The following MORC1 variants were observed in gnomAD, a reference collection of about 807,000 sequenced individuals.
MORC1 encodes MORC family CW-type zinc finger 1, also known as MORC family CW-type zinc finger protein 1.
Under a neutral mutation model 134.9 loss-of-function variants are expected in MORC1, and 59 were observed. The ratio of observed to expected loss-of-function variants is 0.44; its 90% confidence interval spans 0.35 to 0.54. The LOEUF is 0.54. Ranked by LOEUF, MORC1 falls within the 20% of genes least tolerant of loss-of-function variation. MORC1 has a pLI of 0.00. For synonymous variants in MORC1, 395 were observed against 391.7 expected (o/e 1.01, Z -0.10); for missense variants, 947 against 1,134.5 (o/e 0.83, Z 2.37).
At chr3:109,115,931 A>C in intron 1 of MORC1, among the ~76,000 whole-genome samples, 1 of 151,660 alleles carries the variant, frequency 6.6e-6, no homozygotes, top group East Asian at 1.9e-4. Context: ...TCTTGGTAAA[A>C]GGTATTTAAA....
intron 24 of MORC1, 106 bp from the exon 25 acceptor site, chr3:108,971,508 G>T: frequency 1.1e-6 from 1 of 893,802 alleles, no homozygotes; most frequent in Non-Finnish European, 1.7e-6. Flanking sequence ...TCCTGGCAAA[G>T]ATGAACATTA....
chr3:108,965,736 C>G (rs570964432), intron 26 of MORC1, among the ~76,000 whole-genome samples: 5 of 151,940 alleles, frequency 3.3e-5, no homozygotes, highest in South Asian at 4.2e-4. Context: ...CTGGGGAAAC[C>G]GGGTGATGAG....
At chr3:109,085,761 G>A (rs1950604598) in intron 8 of MORC1, among the ~76,000 whole-genome samples, 1 of 151,930 alleles carries the variant, frequency 6.6e-6, no homozygotes, top group South Asian at 2.1e-4. Context: ...TTACTGGAAA[G>A]AAACTGAATC....
intron 10 of MORC1, among the ~76,000 whole-genome samples, chr3:109,062,948 T>G (rs1449660766): frequency 6.6e-6 from 1 of 152,134 alleles, no homozygotes; most frequent in Non-Finnish European, 1.5e-5. Flanking sequence ...AGGATCATAC[T>G]TATAATAATA....
At chr3:109,085,588 T>C (rs994352485) in intron 8 of MORC1, among the ~76,000 whole-genome samples, 1 of 151,652 alleles carries the variant, frequency 6.6e-6, no homozygotes, top group Non-Finnish European at 1.5e-5. Flanking sequence ...AAAATGGCTT[T>C]TATCCAAAGA....
intron 14 of MORC1, chr3:109,049,161 T>C (rs1559919509): frequency 1.0e-6 from 1 of 984,848 alleles, no homozygotes; most frequent in Non-Finnish European, 1.2e-6. Context: ...GTTATATTCA[T>C]TTTCCTGGTA....
chr3:109,095,182 A>C (rs1028566279), intron 6 of MORC1, 114 bp from the exon 7 acceptor site: 1 of 990,264 alleles, frequency 1.0e-6, no homozygotes, highest in African/African-American at 1.7e-5. Flanking sequence ...CACTAAGTTA[A>C]AAGTTCATTT....
At chr3:108,989,848 G>A (rs548046533) in intron 21 of MORC1, among the ~76,000 whole-genome samples, 13 of 152,140 alleles carry the variant, frequency 8.5e-5, no homozygotes, top group South Asian at 2.1e-4. Flanking sequence ...CTACCACGGC[G>A]AAAAGTTCGA....
At chr3:109,010,048 G>C (rs961743475) in intron 17 of MORC1, among the ~76,000 whole-genome samples, 1 of 151,802 alleles carries the variant, frequency 6.6e-6, no homozygotes, top group African/African-American at 2.4e-5. Context: ...CTATACCAGG[G>C]GACAGCAAAC....
intron 8 of MORC1, among the ~76,000 whole-genome samples, chr3:109,082,501 A>G (rs1173956210): frequency 6.6e-6 from 1 of 152,214 alleles, no homozygotes. Flanking sequence ...AGAATTAAAA[A>G]TAATAGTTTT....
intron 16 of MORC1, 29 bp from the exon 17 acceptor site, chr3:109,027,918 A>G: frequency 6.2e-7 from 1 of 1,605,684 alleles, no homozygotes; most frequent in South Asian, 1.1e-5. Flanking sequence ...CAAGATTAAC[A>G]TCAGGAGAAA....
intron 21 of MORC1, among the ~76,000 whole-genome samples, chr3:108,998,187 A>AT: frequency 6.6e-6 from 1 of 152,374 alleles, no homozygotes; most frequent in East Asian, 1.9e-4. Context: ...GCAGATGGGC[A>AT]TAACGGGACA....
At chr3:108,996,324 C>T (rs1195506539) in intron 21 of MORC1, among the ~76,000 whole-genome samples, 1 of 124,086 alleles carries the variant, frequency 8.1e-6, no homozygotes, top group Non-Finnish European at 1.8e-5. Flanking sequence ...AATTTCTGGA[C>T]AATTCAGCTT....
At chr3:109,099,229 AT>A in intron 6 of MORC1, 128 bp downstream of exon 6, 3 of 652,324 alleles carry the variant, frequency 4.6e-6, no homozygotes, top group Middle Eastern at 2.5e-4. Flanking sequence ...CCTTCTCTCC[AT>A]TTCCCAAACA....
intron 17 of MORC1, among the ~76,000 whole-genome samples, chr3:109,016,082 G>A (rs1948810699): frequency 6.6e-6 from 1 of 152,128 alleles, no homozygotes; most frequent in South Asian, 2.1e-4. Context: ...TTTTGTGCAT[G>A]AAACAACGTT....
intron 17 of MORC1, among the ~76,000 whole-genome samples, chr3:109,008,752 G>T (rs1948611728): frequency 6.6e-6 from 1 of 151,738 alleles, no homozygotes; most frequent in Non-Finnish European, 1.5e-5. Flanking sequence ...CTTTAGACAG[G>T]ATCTATGTAT....
intron 8 of MORC1, among the ~76,000 whole-genome samples, chr3:109,085,268 T>C (rs1317973480): frequency 1.3e-5 from 2 of 151,932 alleles, no homozygotes; most frequent in Admixed American, 1.3e-4. Context: ...TGGCATTACA[T>C]CAAGCTAAAA....
chr3:109,004,532 G>A (rs961899515), intron 20 of MORC1, among the ~76,000 whole-genome samples: 2 of 152,042 alleles, frequency 1.3e-5, no homozygotes, highest in Admixed American at 6.5e-5. Context: ...ATTAAATAAT[G>A]GCAACTCTGT....
intron 23 of MORC1, among the ~76,000 whole-genome samples, chr3:108,983,621 C>T (rs1947814239): frequency 6.6e-6 from 1 of 152,160 alleles, no homozygotes; most frequent in Non-Finnish European, 1.5e-5. Flanking sequence ...CTTCACTTGA[C>T]TGTGATCACT....
Sources: gnomAD v4.1 joint callset for allele counts (sites outside exome capture counted in the v4.1 genomes callset) on GRCh38, gnomAD v4.1.1 for gene constraint, MANE v1.5 for transcripts, NCBI Gene and HGNC (gene_info 2026-07-23, HGNC 2026-07-21) for gene names.